Variants in NTM observed in about 807,000 individuals in gnomAD.
NTM encodes neurotrimin.
A neutral mutation model predicts 42.1 loss-of-function variants in NTM; 13 were observed. The observed-to-expected ratio is 0.31, with a 90% CI of 0.20 to 0.49. The LOEUF (loss-of-function observed/expected upper bound fraction) is 0.49, where lower values mean the gene tolerates loss of function less well. Ranked by LOEUF, NTM falls within the 20% of genes least tolerant of loss-of-function variation. The pLI, the probability that NTM is intolerant of heterozygous loss-of-function variation, is 0.99. For synonymous variants in NTM, 187 were observed against 179.2 expected (o/e 1.04, Z -0.35); for missense variants, 373 against 452.8 (o/e 0.82, Z 1.60).
chr11:131,496,184 C>T (rs1005014280), intron 1 of NTM, among the ~76,000 whole-genome samples: 2 of 152,190 alleles, frequency 1.3e-5, no homozygotes, highest in African/African-American at 4.8e-5. Flanking sequence ...GAGTAAGAAG[C>T]ATTTTAGGGT....
chr11:132,241,523 T>C (rs1284367706), intron 4 of NTM, among the ~76,000 whole-genome samples: 1 of 152,212 alleles, frequency 6.6e-6, no homozygotes, highest in Non-Finnish European at 1.5e-5. Context: ...ATTTTCACTG[T>C]TGAGCAGGGA....
At chr11:132,114,742 T>C (rs1397541153) in intron 2 of NTM, among the ~76,000 whole-genome samples, 2 of 152,172 alleles carry the variant, frequency 1.3e-5, no homozygotes, top group Admixed American at 6.5e-5. Context: ...GAAACCTAAA[T>C]TGGGAAAGGT....
At chr11:132,327,003 T>C (rs2095697313) in intron 7 of NTM, among the ~76,000 whole-genome samples, 1 of 152,228 alleles carries the variant, frequency 6.6e-6, no homozygotes, top group Non-Finnish European at 1.5e-5. Flanking sequence ...AGTATTTTGA[T>C]AAGAGAATTT....
chr11:131,755,301 T>C (rs2083179638), intron 1 of NTM, among the ~76,000 whole-genome samples: 1 of 152,202 alleles, frequency 6.6e-6, no homozygotes, highest in African/African-American at 2.4e-5. Context: ...TGTTTCACTC[T>C]TGGCCTAGCA....
At chr11:131,444,224 A>AAAG (rs1949856073) in intron 1 of NTM, among the ~76,000 whole-genome samples, 3 of 150,614 alleles carry the variant, frequency 2.0e-5, no homozygotes, top group Non-Finnish European at 1.5e-5. Context: ...AAAAAAAAAA[A>AAAG]AAAATAGAAG....
At chr11:132,101,259 C>G (rs2061580494) in intron 2 of NTM, among the ~76,000 whole-genome samples, 1 of 152,072 alleles carries the variant, frequency 6.6e-6, no homozygotes, top group Non-Finnish European at 1.5e-5. Flanking sequence ...CTCACTTAGG[C>G]AAAAGAAAAC....
chr11:131,374,586 GGT>G (rs1941714051), intron 1 of NTM, among the ~76,000 whole-genome samples: 1 of 152,274 alleles, frequency 6.6e-6, no homozygotes, highest in Admixed American at 6.5e-5. Flanking sequence ...AGTGTCTTCA[GGT>G]GTGTCTCTTG....
chr11:131,507,437 C>A (rs1176083670), intron 1 of NTM, among the ~76,000 whole-genome samples: 1 of 151,700 alleles, frequency 6.6e-6, no homozygotes, highest in Non-Finnish European at 1.5e-5. Context: ...GGTACCAGTA[C>A]CATGCTGTTT....
intron 1 of NTM, chr11:131,660,585 C>T (rs1461951004): frequency 4.4e-6 from 2 of 457,548 alleles, no homozygotes; most frequent in African/African-American, 4.0e-5. Flanking sequence ...TGCCTCGAAA[C>T]CTTGCTGCCC....
intron 1 of NTM, among the ~76,000 whole-genome samples, chr11:131,910,632 G>A (rs996480879): frequency 6.6e-6 from 1 of 150,572 alleles, no homozygotes; most frequent in Non-Finnish European, 1.5e-5. Context: ...CTCCCGGGAG[G>A]AAGGCGGCGC....
intron 1 of NTM, among the ~76,000 whole-genome samples, chr11:131,805,595 T>C (rs997573459): frequency 3.9e-5 from 6 of 152,252 alleles, no homozygotes; most frequent in Admixed American, 1.3e-4. Flanking sequence ...ATAACACTAA[T>C]TTCTAATAAT....
At chr11:131,745,777 ATATGT>A (rs1216954431) in intron 1 of NTM, among the ~76,000 whole-genome samples, 35 of 152,228 alleles carry the variant, frequency 2.3e-4, no homozygotes, top group Admixed American at 2.2e-3. Context: ...CATTATACAA[ATATGT>A]TAGGATGATT....
chr11:131,994,038 CA>C (rs1358992258), intron 2 of NTM, among the ~76,000 whole-genome samples: 1 of 128,742 alleles, frequency 7.8e-6, no homozygotes, highest in Non-Finnish European at 1.7e-5. Context: ...AGAAGAAGAA[CA>C]AAGACATAAA....
intron 1 of NTM, among the ~76,000 whole-genome samples, chr11:131,527,267 A>G (rs2050630437): frequency 6.6e-6 from 1 of 152,084 alleles, no homozygotes; most frequent in Non-Finnish European, 1.5e-5. Context: ...TGATGCCCTC[A>G]TTCCCTACAA....
At chr11:131,504,351 A>G (rs917719174) in intron 1 of NTM, among the ~76,000 whole-genome samples, 6 of 152,002 alleles carry the variant, frequency 3.9e-5, no homozygotes, top group African/African-American at 1.2e-4. Context: ...GATACCCTCA[A>G]ATTTGGTGGC....
At chr11:131,520,387 G>T (rs2049471542) in intron 1 of NTM, among the ~76,000 whole-genome samples, 1 of 152,262 alleles carries the variant, frequency 6.6e-6, no homozygotes, top group East Asian at 1.9e-4. Flanking sequence ...AGATCAAAAA[G>T]ATTGTAAGTG....
intron 1 of NTM, among the ~76,000 whole-genome samples, chr11:131,862,588 A>C (rs1009213930): frequency 1.3e-5 from 2 of 152,194 alleles, no homozygotes; most frequent in Admixed American, 6.5e-5. Context: ...ATTTTAAAAG[A>C]ATATACCATA....
In NTM at chr11:131,788,096, T is replaced by G. The variant is rs546045105; in HGVS notation, c.83-123468T>G. On this transcript the variant is annotated intron_variant, in intron 1 of 8. Coordinates refer to ENST00000683400, the MANE Select transcript of NTM (RefSeq NM_001352005.2). ...GAATTGGCATTTGAATTTCCTCCCC[T>G]GCTCTTTTTAATTTGTTCCTTTGTT... is the stretch of plus-strand genomic sequence containing the variant. Among the ~76,000 whole-genome samples, 5 of 152,314 alleles carry G rather than the reference T, an allele frequency of 3.3e-5. No individual in the cohort carries two copies. In the South Asian group the frequency reaches 1.0e-3, roughly 32 times the overall value.
At chr11:131,662,029 C>T (rs2068163746) in intron 1 of NTM, 1 of 152,202 alleles carries the variant, frequency 6.6e-6, no homozygotes, top group South Asian at 2.1e-4. Flanking sequence ...ACCATTTCAA[C>T]TTCAACACTA....
Sources: gnomAD v4.1 joint callset for allele counts (sites outside exome capture counted in the v4.1 genomes callset) on GRCh38, gnomAD v4.1.1 for gene constraint, MANE v1.5 for transcripts, NCBI Gene and HGNC (gene_info 2026-07-23, HGNC 2026-07-21) for gene names.